The following DHRS4L2 variants were observed in gnomAD, a reference collection of about 807,000 sequenced individuals.
DHRS4L2 encodes the protein dehydrogenase/reductase 4 like 2, also known as dehydrogenase/reductase SDR family member 4-like 2.
DHRS4L2 carries 22 observed loss-of-function variants against 23.9 expected under a neutral mutation model. That is an observed-to-expected ratio of 0.92 (90% CI 0.66 to 1.31). The LOEUF (loss-of-function observed/expected upper bound fraction) is 1.31, where lower values mean the gene tolerates loss of function less well. Ranked by LOEUF, DHRS4L2 falls within the 40% of genes most tolerant of loss-of-function variation. The pLI is 0.00. For synonymous variants in DHRS4L2, 141 were observed against 123.7 expected (o/e 1.14, Z -0.93); for missense variants, 385 against 303.3 (o/e 1.27, Z -2.00).
At chr14:23,999,378 T>C (rs1376226680) in intron 3 of DHRS4L2, among the ~76,000 whole-genome samples, 11 of 103,410 alleles carry the variant, frequency 1.1e-4, no homozygotes, top group Middle Eastern at 6.0e-3. Flanking sequence ...AAAAAAACAA[T>C]ATCTGCAAAG....
At chr14:23,971,059 G>A (rs554349614) in intron 1 of DHRS4L2, among the ~76,000 whole-genome samples, 2 of 152,096 alleles carry the variant, frequency 1.3e-5, no homozygotes, top group Non-Finnish European at 2.9e-5. Context: ...GAGCAGAAAT[G>A]CTGAAACTTC....
chr14:23,978,156 A>G (rs1328726609), intron 1 of DHRS4L2, among the ~76,000 whole-genome samples: 1 of 151,470 alleles, frequency 6.6e-6, no homozygotes, highest in Non-Finnish European at 1.5e-5. Context: ...ATAGCCATCA[A>G]TTTAAAACTT....
At chr14:23,986,680 C>G (rs910518381), upstream of DHRS4L2, among the ~76,000 whole-genome samples, 4 of 151,428 alleles carry the variant, frequency 2.6e-5, no homozygotes, top group Admixed American at 6.6e-5. Flanking sequence ...TCCTGGAACC[C>G]TCAGCCCCTC....
At chr14:23,973,712 A>G (rs2033912555) in intron 1 of DHRS4L2, among the ~76,000 whole-genome samples, 1 of 151,848 alleles carries the variant, frequency 6.6e-6, no homozygotes, top group African/African-American at 2.4e-5. Context: ...TATCCTAAAT[A>G]TATATGCACC....
chr14:23,995,608 TA>T (rs761154915), intron 3 of DHRS4L2, among the ~76,000 whole-genome samples: 3 of 151,768 alleles, frequency 2.0e-5, no homozygotes, highest in Non-Finnish European at 2.9e-5. Context: ...ATACATCCTT[TA>T]AAAAAATAAA....
chr14:23,983,777 A>C (rs1002322081), intron 1 of DHRS4L2, among the ~76,000 whole-genome samples: 14 of 151,626 alleles, frequency 9.2e-5, no homozygotes, highest in African/African-American at 3.4e-4. Context: ...AAACTAACAC[A>C]AAAACAGAAA....
At chr14:23,973,032 A>G (rs1196510015) in intron 1 of DHRS4L2, among the ~76,000 whole-genome samples, 2 of 151,924 alleles carry the variant, frequency 1.3e-5, no homozygotes, top group Admixed American at 6.5e-5. Context: ...CAAATGTACA[A>G]TCGGGATTTA....
upstream of DHRS4L2, among the ~76,000 whole-genome samples, chr14:23,986,719 A>G (rs572739583): frequency 1.2e-4 from 18 of 151,354 alleles, no homozygotes; most frequent in Admixed American, 2.6e-4. Context: ...TGAAGAGAAG[A>G]GGAAGAGAGA....
rs146977844 is a variant in DHRS4L2 at position 23,980,799 on chromosome 14, G to A, written c.-175-9383G>A. On this transcript the variant is annotated intron_variant, in intron 1 of 5. Coordinates refer to the DHRS4L2 transcript ENST00000534993. ...TCAATAAACTAGGTATTGATAGAAC[G>A]TATCTCAAAATAGTAAGAGTTATTT... Among the ~76,000 whole-genome samples the A allele has an allele frequency of 5.6e-3, 854 of 151,504 alleles. 24 individuals are homozygous for A. Among genetic ancestry groups the A allele is most frequent in the Non-Finnish European group, 8.2e-3 (555 of 67,876 alleles).
intron 1 of DHRS4L2, among the ~76,000 whole-genome samples, chr14:23,971,948 G>A (rs546627541): frequency 1.9e-4 from 29 of 151,950 alleles, no homozygotes; most frequent in Non-Finnish European, 3.1e-4. Flanking sequence ...ACCAGCTAAC[G>A]TCATGACAGG....
At chr14:23,987,233 C>T, upstream of DHRS4L2, 1 of 353,554 alleles carries the variant, frequency 2.8e-6, no homozygotes, top group South Asian at 2.0e-5. Context: ...CGTGTTCATG[C>T]CATTCCCCTG....
intron 6 of DHRS4L2, among the ~76,000 whole-genome samples, chr14:24,004,042 G>A (rs1357453114): frequency 6.2e-4 from 80 of 129,808 alleles, no homozygotes; most frequent in Admixed American, 2.9e-3. Context: ...AGGCCGAGGC[G>A]GGCAGATCAC....
chr14:23,988,830 G>T, upstream of DHRS4L2: 7 of 1,433,998 alleles, frequency 4.9e-6, no homozygotes, highest in Non-Finnish European at 6.4e-6. Flanking sequence ...ACGACTCCCA[G>T]CTGGCCGAGG....
chr14:23,988,289 A>C (rs2034189606), upstream of DHRS4L2, among the ~76,000 whole-genome samples: 1 of 148,928 alleles, frequency 6.7e-6, no homozygotes, highest in South Asian at 2.3e-4. Flanking sequence ...TAAAGGAGGA[A>C]GTCCCTTTGG....
chr14:23,981,008 A>T (rs60420098), intron 1 of DHRS4L2, among the ~76,000 whole-genome samples: 5 of 151,692 alleles, frequency 3.3e-5, no homozygotes, highest in African/African-American at 1.2e-4. Flanking sequence ...GAAAAGAGGA[A>T]GTCAAATTGT....
intron 1 of DHRS4L2, among the ~76,000 whole-genome samples, chr14:23,981,827 T>A (rs187661913): frequency 3.3e-5 from 5 of 151,844 alleles, no homozygotes; most frequent in Non-Finnish European, 7.4e-5. Context: ...GTAGGCCAGA[T>A]TTATGCTTCT....
At chr14:23,994,858 A>G (rs1280039211) in intron 2 of DHRS4L2, among the ~76,000 whole-genome samples, 174 bp from the exon 3 acceptor site, 5 of 151,708 alleles carry the variant, frequency 3.3e-5, no homozygotes, top group African/African-American at 4.8e-5. Flanking sequence ...TGCATGGCCC[A>G]GGCTTCTCTC....
At chr14:23,999,367 A>AAAAAAAAAAAAAAAAAAAAAAAACAAAAC in intron 3 of DHRS4L2, among the ~76,000 whole-genome samples, 1 of 116,794 alleles carries the variant, frequency 8.6e-6, no homozygotes, top group East Asian at 2.9e-4. Flanking sequence ...AAAAAAAAAA[A>AAAAAAAAAAAAAAAAAAAAAAAACAAAAC]AAAAAAACAA....
In DHRS4L2 at chr14:24,000,953, G is replaced by T; in HGVS notation, c.479+20G>T. On this transcript the variant is annotated intron_variant, in intron 4 of 7. Coordinates refer to ENST00000335125, the MANE Select transcript of DHRS4L2 (RefSeq NM_198083.4). ...ACGAGGGTACAGAGAGTGAGAGAGA[G>T]CCTGGGTGAGAGGGGACCCCACACA... 1.2e-6 allele frequency: 2 copies of T among 1,611,398 alleles called. No homozygotes were observed. Among genetic ancestry groups the T allele is most frequent in the South Asian group, 1.1e-5 (1 of 90,928 alleles).
Sources: allele counts gnomAD v4.1 joint callset (sites outside exome capture counted in the v4.1 genomes callset), GRCh38; gene constraint gnomAD v4.1.1; transcripts MANE v1.5; gene names NCBI Gene and HGNC (gene_info 2026-07-23, HGNC 2026-07-21).